Variants in DGKB observed in about 807,000 individuals in gnomAD.
The protein encoded by DGKB is diacylglycerol kinase beta, also known as 90 kDa diacylglycerol kinase.
Under a neutral mutation model 114.3 loss-of-function variants are expected in DGKB, and 67 were observed. The observed-to-expected ratio is 0.59, with a 90% CI of 0.48 to 0.72. The LOEUF is 0.72. Among genes scored for constraint, DGKB ranks in the 30% least tolerant of loss-of-function variants. The probability of loss-of-function intolerance (pLI) is 0.00; values close to 1 mark genes in which losing one functional copy is unlikely to be tolerated. For missense variants in DGKB, 907 were observed against 975.2 expected (o/e 0.93, Z 0.93); for synonymous variants, 398 against 323.1 (o/e 1.23, Z -2.49).
intron 1 of DGKB, among the ~76,000 whole-genome samples, chr7:14,846,681 T>C (rs541726826): frequency 6.6e-6 from 1 of 152,330 alleles, no homozygotes; most frequent in African/African-American, 2.4e-5. Context: ...CTTTGCTGGC[T>C]TTTAGCAAGC....
At chr7:14,180,940 G>A (rs1782550845) in intron 23 of DGKB, among the ~76,000 whole-genome samples, 1 of 152,106 alleles carries the variant, frequency 6.6e-6, no homozygotes, top group African/African-American at 2.4e-5. Context: ...TTGCTACCTG[G>A]CTGCTGGCTT....
chr7:14,378,096 G>T (rs1818793495), intron 21 of DGKB, among the ~76,000 whole-genome samples: 2 of 152,116 alleles, frequency 1.3e-5, no homozygotes, highest in Non-Finnish European at 1.5e-5. Context: ...GACTTTACCA[G>T]GGGTGACTGA....
chr7:14,593,171 C>T (rs4579424), intron 17 of DGKB, among the ~76,000 whole-genome samples: 1 of 151,864 alleles, frequency 6.6e-6, no homozygotes, highest in South Asian at 2.1e-4. Flanking sequence ...CTGGAAATCT[C>T]AAACAAATCT....
At chr7:14,945,551 A>C (rs1562894534) in intron 1 of DGKB, among the ~76,000 whole-genome samples, 1 of 151,816 alleles carries the variant, frequency 6.6e-6, no homozygotes, top group African/African-American at 2.4e-5. Context: ...AATATCCATT[A>C]ATGTTAGCAA....
chr7:14,700,180 A>G (rs1363705401), intron 7 of DGKB, among the ~76,000 whole-genome samples: 1 of 151,382 alleles, frequency 6.6e-6, no homozygotes, highest in East Asian at 2.0e-4. Context: ...GAAGACCACT[A>G]GGCACTTAAA....
chr7:14,529,513 C>T (rs555932648), intron 20 of DGKB, among the ~76,000 whole-genome samples: 1 of 151,590 alleles, frequency 6.6e-6, no homozygotes, highest in African/African-American at 2.4e-5. Flanking sequence ...ATATTTTGTA[C>T]ATAATAAAGG....
intron 5 of DGKB, among the ~76,000 whole-genome samples, chr7:14,730,429 G>T (rs137971399): frequency 2.0e-5 from 3 of 152,128 alleles, no homozygotes; most frequent in Non-Finnish European, 2.9e-5. Context: ...AACACACCGC[G>T]TGCTATTTAA....
chr7:14,260,559 T>C (rs1186731616), intron 23 of DGKB, among the ~76,000 whole-genome samples: 2 of 152,204 alleles, frequency 1.3e-5, no homozygotes, highest in African/African-American at 4.8e-5. Context: ...CTTTAAATAA[T>C]AGGCATTATT....
At position 14,370,600 on chromosome 7, in the gene DGKB, T is replaced by C. The variant is rs547317783; in HGVS notation, c.1836-25209A>G. On this transcript the variant is annotated intron_variant, in intron 21 of 25. Coordinates refer to ENST00000402815, the MANE Select transcript of DGKB (RefSeq NM_001350709.2). Reference sequence around the variant, plus strand: ...TTTGTTTGTGTCTTCTCTTATTTTCTTGAGCAGTAGTTTGTAATTATCCTT... The same window carrying C: ...TTTGTTTGTGTCTTCTCTTATTTTCCTGAGCAGTAGTTTGTAATTATCCTT... Among the ~76,000 whole-genome samples, 254 of 152,320 alleles carry C rather than the reference T, an allele frequency of 1.7e-3. 1 individual carries two copies. The highest frequency in any genetic ancestry group is 2.9e-3 in the Non-Finnish European group (197 of 68,028).
At chr7:14,532,322 A>G (rs1056265520) in intron 20 of DGKB, among the ~76,000 whole-genome samples, 15 of 151,494 alleles carry the variant, frequency 9.9e-5, no homozygotes, top group Non-Finnish European at 2.2e-4. Flanking sequence ...GGACTAACAC[A>G]TGAATCAAAT....
chr7:14,358,411 G>C (rs955928202), intron 21 of DGKB, among the ~76,000 whole-genome samples: 2 of 151,998 alleles, frequency 1.3e-5, no homozygotes, highest in African/African-American at 4.8e-5. Context: ...GCCTCACGTA[G>C]TTCTCGTGCC....
chr7:14,277,517 G>GTAT (rs765869475), intron 23 of DGKB, among the ~76,000 whole-genome samples: 1 of 152,132 alleles, frequency 6.6e-6, no homozygotes, highest in Non-Finnish European at 1.5e-5. Context: ...AAATAATGCA[G>GTAT]TATTTGTCTT....
intron 24 of DGKB, among the ~76,000 whole-genome samples, 195 bp from the exon 25 acceptor site, chr7:14,177,094 A>T (rs921764741): frequency 2.0e-5 from 3 of 152,214 alleles, no homozygotes; most frequent in Admixed American, 2.0e-4. Context: ...CAGGAATATT[A>T]TGAGCTTCCT....
chr7:14,258,593 G>A (rs751396977), intron 23 of DGKB, among the ~76,000 whole-genome samples: 3 of 152,152 alleles, frequency 2.0e-5, no homozygotes, highest in Non-Finnish European at 4.4e-5. Flanking sequence ...AGAATTGCTA[G>A]AGGGTGAAAG....
chr7:14,298,936 GA>G (rs1308653051), intron 23 of DGKB, among the ~76,000 whole-genome samples: 4 of 152,090 alleles, frequency 2.6e-5, no homozygotes, highest in Admixed American at 6.5e-5. Flanking sequence ...GCAAACATAT[GA>G]AAAAAAGCTC....
intron 1 of DGKB, among the ~76,000 whole-genome samples, chr7:14,934,459 A>G (rs1211688864): frequency 6.6e-6 from 1 of 152,174 alleles, no homozygotes; most frequent in Non-Finnish European, 1.5e-5. Context: ...CTATAATCTC[A>G]TTGAATTAAA....
chr7:14,322,358 G>A (rs993153607), intron 23 of DGKB, among the ~76,000 whole-genome samples: 1 of 152,052 alleles, frequency 6.6e-6, no homozygotes, highest in African/African-American at 2.4e-5. Context: ...CAGAAACTTG[G>A]GATTAAGATT....
intron 25 of DGKB, among the ~76,000 whole-genome samples, chr7:14,157,926 TA>T (rs1040504971): frequency 5.6e-4 from 85 of 152,340 alleles, no homozygotes; most frequent in African/African-American, 2.0e-3. Context: ...TGACTTTTCT[TA>T]CTGAGTAATA....
At chr7:14,356,979 G>A (rs1259029948) in intron 21 of DGKB, among the ~76,000 whole-genome samples, 1 of 152,044 alleles carries the variant, frequency 6.6e-6, no homozygotes, top group Non-Finnish European at 1.5e-5. Context: ...TGTTATTTCT[G>A]TTCTTTTACA....
Sources: gnomAD v4.1 joint callset for allele counts (sites outside exome capture counted in the v4.1 genomes callset) on GRCh38, gnomAD v4.1.1 for gene constraint, MANE v1.5 for transcripts, NCBI Gene and HGNC (gene_info 2026-07-23, HGNC 2026-07-21) for gene names.